Variants in REV3L observed in about 807,000 individuals in gnomAD.
REV3L encodes REV3 like, DNA directed polymerase zeta catalytic subunit.
A neutral mutation model predicts 299.4 loss-of-function variants in REV3L; 69 were observed. The observed-to-expected ratio is 0.23, with a 90% CI of 0.19 to 0.28. The LOEUF (loss-of-function observed/expected upper bound fraction) is 0.28. REV3L is among the 10% of genes least tolerant of loss of function. The pLI is 1.00. For synonymous variants in REV3L, 1,238 were observed against 1,271.4 expected (o/e 0.97, Z 0.56); for missense variants, 3,128 against 3,693.8 (o/e 0.85, Z 3.97).
rs780124362 is a variant in REV3L, at chr6:111,392,900, C to A, written c.638G>T (p.Arg213Leu). Residue 213 changes from arginine (R) to leucine (L), a missense_variant, in exon 5 of 32, where the codon CGG (arginine) becomes CTG (leucine). Physicochemically the swap from Arg to Leu is moderately radical, Grantham distance 102 (BLOSUM62 -2). Around this residue, in one of 9 missense-constraint regions of REV3L, gnomAD observed 2,409 missense variants for 2,611.8 expected, o/e 0.92. Transcript: ENST00000368802. ...SGNSLADTLF[R>L]WEQDEIPSSL... is the part of the protein sequence containing the mutation. ...CCTTGGTATTTCATCTTGTTCCCAC[C>A]GAAATAAAGTATCAGCAAGAGAATT... The A allele has an allele frequency of 6.2e-7, 1 of 1,611,080 alleles. No homozygotes were observed. The highest frequency in any genetic ancestry group is 1.1e-5 in the South Asian group (1 of 91,006).
At chr6:111,318,617 GC>G (rs2114762101) in intron 26 of REV3L, among the ~76,000 whole-genome samples, 1 of 152,166 alleles carries the variant, frequency 6.6e-6, no homozygotes, top group East Asian at 1.9e-4. Flanking sequence ...TGTTGCCCAG[GC>G]TGGAGTGCAA....
At chr6:111,307,078 T>C (rs1772392159) in intron 31 of REV3L, among the ~76,000 whole-genome samples, 1 of 152,194 alleles carries the variant, frequency 6.6e-6, no homozygotes, top group South Asian at 2.1e-4. Context: ...CAATTAGGGA[T>C]GCTCAACCTG....
At chr6:111,338,278 G>C (rs923330781) in intron 21 of REV3L, among the ~76,000 whole-genome samples, 16 of 108,662 alleles carry the variant, frequency 1.5e-4, no homozygotes, top group Non-Finnish European at 2.3e-4. Context: ...AAAACATACT[G>C]GTTTATTTTC....
At chr6:111,453,543 C>T (rs943068677) in intron 1 of REV3L, among the ~76,000 whole-genome samples, 4 of 152,158 alleles carry the variant, frequency 2.6e-5, no homozygotes, top group African/African-American at 9.7e-5. Flanking sequence ...TTTGACCTTA[C>T]CAAGCCTGAA....
At chr6:111,384,743 G>A (rs1167514545) in intron 9 of REV3L, among the ~76,000 whole-genome samples, 5 of 152,102 alleles carry the variant, frequency 3.3e-5, no homozygotes, top group Non-Finnish European at 5.9e-5. Flanking sequence ...TCTCTACTCG[G>A]TATTTATCCA....
rs1404569162 is a variant in REV3L at position 111,311,470 on chromosome 6, G to A, written c.8605-211C>T. 8.0e-6 allele frequency: 3 copies of A among 375,724 alleles called. No individual in the cohort carries two copies. The Admixed American group carries it at 1.3e-4, about 16-fold the overall frequency. The allele number at this position is 375,724 out of a possible 1,614,324, so 23.3% of individuals were successfully genotyped here. On this transcript the variant is annotated intron_variant, in intron 28 of 31. Transcript: ENST00000368802. ...GCTATTTCTAAAAATAGAATATCAT[G>A]TAGTTTAAGGAAAACCATGTGGAAT...
chr6:111,473,223 T>C lies in REV3L; in HGVS notation c.139+9527A>G, dbSNP rs537013018. ...ATTTAGACTTGAATCATTTTTCACT[T>C]AGATTTTTTTTTTTTTTTAAAGAGA... On this transcript the variant is annotated intron_variant, in intron 1 of 31. Coordinates refer to ENST00000368802, the MANE Select transcript of REV3L (RefSeq NM_001372078.1). 4.0e-3 allele frequency among the ~76,000 whole-genome samples: 331 copies of C among 82,568 alleles called. 1 individual carries two copies. Among genetic ancestry groups the C allele is most frequent in the African/African-American group, 0.019 (311 of 16,644 alleles). 54.2% of individuals were successfully genotyped at this position (82,568 alleles called of 152,430 possible). A position where few individuals can be genotyped will look rare whatever the true frequency, so the allele number is the denominator to read the frequency against.
chr6:111,365,940 T>C (rs192753968), intron 14 of REV3L, among the ~76,000 whole-genome samples: 4 of 152,230 alleles, frequency 2.6e-5, no homozygotes, highest in Admixed American at 2.0e-4. Context: ...TGATGACAGT[T>C]TGGCCTAAGG....
rs1253609391 is a variant in REV3L, at chr6:111,307,441, G to A, written c.9172C>T (p.Arg3058Trp). 3.7e-6 allele frequency: 6 copies of A among 1,614,036 alleles called. No homozygotes were observed. The highest frequency in any genetic ancestry group is 1.7e-5 in the Admixed American group (1 of 60,000). ...ACTGCAACATGCTGAGGTTGGCTCCGACATTTACTACAGATGCCATGCTGA... is the reference window on the plus strand; with the variant it reads ...ACTGCAACATGCTGAGGTTGGCTCCAACATTTACTACAGATGCCATGCTGA... ...LTQHGICSKC[R>W]SQPQHVAVIL... The change falls in exon 31 of 32, where the codon CGG (arginine) becomes TGG (tryptophan). Residue 3058 changes from arginine to tryptophan, a missense_variant. Arg to Trp is a moderately radical substitution (Grantham distance 101). Coordinates refer to ENST00000368802, the MANE Select transcript of REV3L (RefSeq NM_001372078.1).
At chr6:111,420,056 A>G (rs956408108) in intron 1 of REV3L, among the ~76,000 whole-genome samples, 2 of 152,132 alleles carry the variant, frequency 1.3e-5, no homozygotes, top group Non-Finnish European at 2.9e-5. Context: ...CGTGTTAATC[A>G]GGATGGTCTC....
At chr6:111,329,204 T>TA (rs1229876007) in intron 25 of REV3L, among the ~76,000 whole-genome samples, 1 of 151,910 alleles carries the variant, frequency 6.6e-6, no homozygotes, top group Non-Finnish European at 1.5e-5. Context: ...CCACCACACC[T>TA]AGCTTATTTT....
chr6:111,432,915 C>T (rs978225415), intron 1 of REV3L, among the ~76,000 whole-genome samples: 10 of 152,086 alleles, frequency 6.6e-5, no homozygotes, highest in African/African-American at 2.4e-4. Context: ...TACACAAACA[C>T]ATGAAAATTA....
At chr6:111,380,290 C>G in intron 10 of REV3L, 71 bp from the exon 11 acceptor site, 1 of 1,121,362 alleles carries the variant, frequency 8.9e-7, no homozygotes, top group Non-Finnish European at 1.3e-6. Flanking sequence ...GTCTTGCTCT[C>G]TCACCCAGGC....
In REV3L at chr6:111,471,979, A is replaced by G. The variant is rs554585929; in HGVS notation, c.139+10771T>C. The G allele has an allele frequency of 7.3e-6, 7 of 964,954 alleles. No homozygotes were observed. The African/African-American group carries it at 1.3e-4, about 18-fold the overall frequency. 59.8% of individuals were successfully genotyped at this position (964,954 alleles called of 1,614,324 possible). A position where few individuals can be genotyped will look rare whatever the true frequency, so the allele number is the denominator to read the frequency against. ...GCCAAGGCTCACCCCCACCCCCCTC[A>G]CCCCCAATATATTAACCAAAATAAA... On this transcript the variant is annotated intron_variant, in intron 1 of 31. Coordinates refer to ENST00000368802, the MANE Select transcript of REV3L (RefSeq NM_001372078.1).
At position 111,363,967 on chromosome 6, in the gene REV3L, T is replaced by G; in HGVS notation, c.6765A>C (p.Ala2255=). ...VLLTQAKNQF[A]AVNTPQKETS... Reference sequence around the variant, plus strand: ...TTTCTTTCTGTGGGGTATTTACTGCTGCAAATTGATTCTATAAAAAAAAAC... The same window carrying G: ...TTTCTTTCTGTGGGGTATTTACTGCGGCAAATTGATTCTATAAAAAAAAAC... Residue 2255 remains alanine (A), a synonymous_variant, in exon 16 of 32, where the codon GCA becomes GCC. Coordinates refer to ENST00000368802, the MANE Select transcript of REV3L (RefSeq NM_001372078.1). The G allele has an allele frequency of 1.2e-6, 2 of 1,607,686 alleles. No individual in the cohort carries two copies. Among genetic ancestry groups the G allele is most frequent in the Non-Finnish European group, 8.5e-7 (1 of 1,177,988 alleles).
At chr6:111,354,706 A>G (rs1417621278) in intron 18 of REV3L, among the ~76,000 whole-genome samples, 6 of 152,192 alleles carry the variant, frequency 3.9e-5, no homozygotes, top group Admixed American at 3.9e-4. Flanking sequence ...AGTGGGTTTT[A>G]TTCATTCTAT....
At position 111,427,244 on chromosome 6, in the gene REV3L, T is replaced by C. The variant is rs541316770; in HGVS notation, c.140-10772A>G. 7.4e-4 allele frequency among the ~76,000 whole-genome samples: 112 copies of C among 152,342 alleles called. 1 individual carries two copies. Among genetic ancestry groups the C allele is most frequent in the Middle Eastern group, 3.4e-3 (1 of 294 alleles). On this transcript the variant is annotated intron_variant, in intron 1 of 31. Coordinates refer to ENST00000368802, the MANE Select transcript of REV3L (RefSeq NM_001372078.1). ...TAAATTATTCAACCATATTTTATGG[T>C]AGCTGAATACTAAAGGACCTTAAGC...
At chr6:111,379,648 C>T (rs756520097) in intron 11 of REV3L, among the ~76,000 whole-genome samples, 26 of 152,216 alleles carry the variant, frequency 1.7e-4, no homozygotes, top group Non-Finnish European at 3.4e-4. Flanking sequence ...TGATACCCAA[C>T]AGTTCAACTA....
intron 4 of REV3L, among the ~76,000 whole-genome samples, chr6:111,400,219 G>C (rs1248779716): frequency 1.3e-5 from 2 of 152,082 alleles, no homozygotes; most frequent in East Asian, 3.9e-4. Flanking sequence ...ATACAGGTTT[G>C]GGTGGACCTA....
Sources: gnomAD v4.1 joint callset for allele counts (sites outside exome capture counted in the v4.1 genomes callset) on GRCh38, gnomAD v4.1.1 for gene constraint, gnomAD v4.1.1 regional missense constraint, MANE v1.5 for transcripts, NCBI Gene and HGNC (gene_info 2026-07-23, HGNC 2026-07-21) for gene names.